CEP112: variants seen among roughly 807,000 people sequenced by gnomAD.
CEP112 encodes centrosomal protein 112.
A neutral mutation model predicts 153.0 loss-of-function variants in CEP112; 127 were observed. The observed-to-expected ratio is 0.83, with a 90% CI of 0.72 to 0.96. The LOEUF (loss-of-function observed/expected upper bound fraction) is 0.96, where lower values mean the gene tolerates loss of function less well. Ranked by LOEUF, CEP112 falls within the 40% of genes least tolerant of loss-of-function variation. The pLI is 0.00. For synonymous variants in CEP112, 358 were observed against 374.4 expected (o/e 0.96, Z 0.51); for missense variants, 1,089 against 1,101.2 (o/e 0.99, Z 0.16).
At chr17:66,096,195 C>T (rs2068337203) in intron 8 of CEP112, 56 bp downstream of exon 8, 3 of 1,255,170 alleles carry the variant, frequency 2.4e-6, no homozygotes, top group Admixed American at 2.1e-5. Context: ...ACCTAGATTA[C>T]ATAAAATATT....
chr17:65,965,002 A>C lies in CEP112; in HGVS notation c.1737-3404T>G, dbSNP rs8081046. Reference sequence around the variant, plus strand: ...AAGAAAGATAACACATTTTATAAAAATATATGACCTATAGCTGAAATAGCA... The same window carrying C: ...AAGAAAGATAACACATTTTATAAAACTATATGACCTATAGCTGAAATAGCA... On this transcript the variant is annotated intron_variant, in intron 17 of 26. Coordinates refer to ENST00000535342, the MANE Select transcript of CEP112 (RefSeq NM_001199165.4). Among the ~76,000 whole-genome samples, 194 of 152,346 alleles carry C rather than the reference A, an allele frequency of 1.3e-3. 2 individuals are homozygous for C. Among genetic ancestry groups the C allele is most frequent in the African/African-American group, 4.4e-3 (184 of 41,578 alleles).
chr17:65,685,741 C>T (rs1426336452), intron 24 of CEP112, among the ~76,000 whole-genome samples: 4 of 139,458 alleles, frequency 2.9e-5, no homozygotes, highest in Middle Eastern at 0.01. Flanking sequence ...GGCACAATCT[C>T]GGCTCACTGC....
At chr17:65,799,183 T>A (rs1394904991) in intron 21 of CEP112, among the ~76,000 whole-genome samples, 2 of 152,172 alleles carry the variant, frequency 1.3e-5, no homozygotes, top group African/African-American at 2.4e-5. Flanking sequence ...AGGCAAAAAA[T>A]TTCCTGAATA....
chr17:65,666,451 G>A (rs9903654), intron 24 of CEP112, among the ~76,000 whole-genome samples: 29,952 of 151,908 alleles, frequency 0.2, 3,531 homozygotes, highest in East Asian at 0.43. Flanking sequence ...AGGGTTCATT[G>A]GTCCCTTGTG....
intron 24 of CEP112, among the ~76,000 whole-genome samples, chr17:65,679,661 T>A (rs1385056257): frequency 6.6e-6 from 1 of 152,164 alleles, no homozygotes; most frequent in African/African-American, 2.4e-5. Flanking sequence ...CTCTATAGCA[T>A]CTTCTTCTTT....
intron 2 of CEP112, among the ~76,000 whole-genome samples, chr17:66,181,545 C>T (rs1171887981): frequency 2.0e-5 from 3 of 151,918 alleles, no homozygotes; most frequent in Admixed American, 6.6e-5. Context: ...TTAGTAGAGT[C>T]GGGCTTTCAC....
In CEP112 at chr17:66,181,686, T is replaced by G. The variant is rs565685725; in HGVS notation, c.106+1508A>C. ...ATCTTTTTTTAAAGAAGATAAAATA[T>G]GGGGATGGTTTGATTTGAAATACAT... is the stretch of plus-strand genomic sequence containing the variant. On this transcript the variant is annotated intron_variant, in intron 2 of 26. Transcript: ENST00000535342. 2.6e-4 allele frequency among the ~76,000 whole-genome samples: 39 copies of G among 152,210 alleles called. 1 individual carries two copies. Among genetic ancestry groups the G allele is most frequent in the African/African-American group, 9.1e-4 (38 of 41,542 alleles).
chr17:66,141,875 T>C (rs1393972908), intron 4 of CEP112, among the ~76,000 whole-genome samples: 3 of 152,146 alleles, frequency 2.0e-5, no homozygotes, highest in Admixed American at 6.5e-5. Context: ...AGATCCTGAT[T>C]TTTCTTTAGC....
chr17:65,672,236 T>A (rs1347857672), intron 24 of CEP112, among the ~76,000 whole-genome samples: 1 of 152,220 alleles, frequency 6.6e-6, no homozygotes. Context: ...CATATTAGGA[T>A]AGATTTCAGT....
At chr17:65,872,714 A>G (rs2058704085) in intron 20 of CEP112, among the ~76,000 whole-genome samples, 1 of 152,238 alleles carries the variant, frequency 6.6e-6, no homozygotes, top group Admixed American at 6.5e-5. Context: ...TGGTTTCATT[A>G]GCTTAACATT....
At chr17:65,845,389 A>G (rs1311003375) in intron 21 of CEP112, among the ~76,000 whole-genome samples, 1 of 152,212 alleles carries the variant, frequency 6.6e-6, no homozygotes, top group Non-Finnish European at 1.5e-5. Context: ...TGAAAACAAT[A>G]TTTTCAAAGA....
chr17:65,674,267 T>C (rs188673698), intron 24 of CEP112, among the ~76,000 whole-genome samples: 1 of 152,228 alleles, frequency 6.6e-6, no homozygotes, highest in Non-Finnish European at 1.5e-5. Flanking sequence ...GCAAATACTT[T>C]CCACTCTTAG....
At chr17:65,686,563 CTCT>C (rs1054544443) in intron 24 of CEP112, among the ~76,000 whole-genome samples, 13 of 152,154 alleles carry the variant, frequency 8.5e-5, no homozygotes, top group East Asian at 1.9e-4. Flanking sequence ...AGAAGCTTGT[CTCT>C]TCTTCTTCTT....
chr17:65,828,459 A>G (rs2056936497), intron 21 of CEP112, among the ~76,000 whole-genome samples: 1 of 152,248 alleles, frequency 6.6e-6, no homozygotes, highest in South Asian at 2.1e-4. Context: ...AGATGGAGAC[A>G]GTATGTTGAG....
intron 24 of CEP112, among the ~76,000 whole-genome samples, chr17:65,673,764 C>A (rs1036885734): frequency 1.3e-5 from 2 of 152,100 alleles, no homozygotes; most frequent in African/African-American, 2.4e-5. Context: ...GTAATCTTCT[C>A]AAAAAATTAA....
intron 8 of CEP112, among the ~76,000 whole-genome samples, chr17:66,081,991 T>C (rs1343595732): frequency 6.6e-6 from 1 of 152,140 alleles, no homozygotes; most frequent in Non-Finnish European, 1.5e-5. Flanking sequence ...GATGGAAACA[T>C]TCAATATGGG....
At chr17:66,096,190 G>C (rs2146278649) in intron 8 of CEP112, 61 bp downstream of exon 8, 1 of 1,218,010 alleles carries the variant, frequency 8.2e-7, no homozygotes, top group Admixed American at 2.1e-5. Flanking sequence ...TGAAAACCTA[G>C]ATTACATAAA....
intron 21 of CEP112, among the ~76,000 whole-genome samples, chr17:65,818,020 C>T (rs148165353): frequency 3.1e-4 from 47 of 151,892 alleles, no homozygotes; most frequent in African/African-American, 9.9e-4. Flanking sequence ...AATTATGACG[C>T]CTTTTCTTCT....
At chr17:65,660,322 TTCTTTC>T (rs1192204393) in intron 24 of CEP112, among the ~76,000 whole-genome samples, 10 of 85,250 alleles carry the variant, frequency 1.2e-4, no homozygotes, top group African/African-American at 6.7e-4. Context: ...CTTTCTTCCT[TTCTTTC>T]TCTTTCTTTC....
Sources: allele counts gnomAD v4.1 joint callset (sites outside exome capture counted in the v4.1 genomes callset), GRCh38; gene constraint gnomAD v4.1.1; transcripts MANE v1.5; gene names NCBI Gene and HGNC (gene_info 2026-07-23, HGNC 2026-07-21).